RAD51B: variants seen among roughly 807,000 people sequenced by gnomAD.
RAD51B encodes DNA repair protein RAD51 homolog 2.
In RAD51B, 38 loss-of-function variants were observed where a neutral mutation model predicts 42.2. The observed-to-expected ratio is 0.90, with a 90% CI of 0.70 to 1.18. The LOEUF is 1.18. RAD51B is among the 50% of genes most tolerant of loss of function. RAD51B has a pLI of 0.00. For synonymous variants in RAD51B, 154 were observed against 145.2 expected (o/e 1.06, Z -0.43); for missense variants, 373 against 400.7 (o/e 0.93, Z 0.59).
intron 7 of RAD51B, among the ~76,000 whole-genome samples, chr14:67,978,525 T>C (rs1397832390): frequency 6.6e-6 from 1 of 152,086 alleles, no homozygotes. Flanking sequence ...CCCATACATA[T>C]CCCGCTTCCC....
intron 7 of RAD51B, among the ~76,000 whole-genome samples, chr14:68,094,751 T>C (rs1360699734): frequency 6.6e-6 from 1 of 152,200 alleles, no homozygotes; most frequent in Non-Finnish European, 1.5e-5. Flanking sequence ...GATGACCTCC[T>C]AATAGGTTAG....
chr14:68,061,251 T>C (rs1405916541), intron 7 of RAD51B, among the ~76,000 whole-genome samples: 1 of 151,854 alleles, frequency 6.6e-6, no homozygotes, highest in Non-Finnish European at 1.5e-5. Flanking sequence ...GTATTTTTAG[T>C]ATAGATGGGG....
intron 3 of RAD51B, among the ~76,000 whole-genome samples, chr14:67,830,702 GGA>G (rs1373205925): frequency 6.6e-6 from 1 of 151,846 alleles, no homozygotes; most frequent in African/African-American, 2.4e-5. Flanking sequence ...GCTGAGCCTA[GGA>G]GAGAGAATTA....
chr14:68,170,382 GT>G (rs2078847095), intron 7 of RAD51B, among the ~76,000 whole-genome samples: 1 of 152,126 alleles, frequency 6.6e-6, no homozygotes, highest in African/African-American at 2.4e-5. Context: ...TCTGGCTCAG[GT>G]TTAGGAGAGA....
At chr14:68,133,871 G>A (rs768232508) in intron 7 of RAD51B, among the ~76,000 whole-genome samples, 26 of 151,968 alleles carry the variant, frequency 1.7e-4, no homozygotes, top group Non-Finnish European at 2.9e-4. Context: ...AATGTACAGC[G>A]AGGTCATATA....
chr14:67,866,666 T>C (rs2042343882), intron 5 of RAD51B, among the ~76,000 whole-genome samples: 1 of 152,226 alleles, frequency 6.6e-6, no homozygotes, highest in Non-Finnish European at 1.5e-5. Flanking sequence ...AAAAACCTTA[T>C]CAATGAATTG....
chr14:68,610,269 C>G (rs1891625216), intron 10 of RAD51B, among the ~76,000 whole-genome samples: 1 of 152,218 alleles, frequency 6.6e-6, no homozygotes, highest in Admixed American at 6.5e-5. Flanking sequence ...TCTGGTCAGC[C>G]TCCGGATGCC....
At chr14:68,157,668 G>A (rs1202126091) in intron 7 of RAD51B, among the ~76,000 whole-genome samples, 1 of 152,158 alleles carries the variant, frequency 6.6e-6, no homozygotes, top group Non-Finnish European at 1.5e-5. Flanking sequence ...TCTTATTTCA[G>A]AAGCAGCAAT....
chr14:68,198,374 G>A (rs1028719141), intron 7 of RAD51B, among the ~76,000 whole-genome samples: 2 of 152,092 alleles, frequency 1.3e-5, no homozygotes, highest in Non-Finnish European at 2.9e-5. Context: ...CAGGTAGTGC[G>A]AGTTCTCTGA....
rs192235584 is a variant in RAD51B at position 68,213,099 on chromosome 14, T to C, written c.757-78785T>C. Among the ~76,000 whole-genome samples the C allele has an allele frequency of 1.1e-4, 17 of 152,342 alleles. No homozygotes were observed. The East Asian group carries it at 3.3e-3, about 29-fold the overall frequency. On this transcript the variant is annotated intron_variant, in intron 7 of 10. Transcript: ENST00000471583. ...CTATCCAATTTTCTCATTAAAAATT[T>C]CTGACGAAAGCACAAATAATGTGCT...
At chr14:68,308,608 G>T (rs771640134) in intron 8 of RAD51B, among the ~76,000 whole-genome samples, 1 of 151,320 alleles carries the variant, frequency 6.6e-6, no homozygotes, top group Non-Finnish European at 1.5e-5. Context: ...TCTAGAGGAG[G>T]CTGAATCAGA....
chr14:67,832,290 A>G (rs1051752034), intron 3 of RAD51B, among the ~76,000 whole-genome samples: 1 of 152,214 alleles, frequency 6.6e-6, no homozygotes, highest in African/African-American at 2.4e-5. Context: ...ATTTTTAATA[A>G]CAGGAGAAAT....
At chr14:68,566,698 T>C (rs1168790426) in intron 10 of RAD51B, among the ~76,000 whole-genome samples, 3 of 152,110 alleles carry the variant, frequency 2.0e-5, no homozygotes, top group African/African-American at 7.2e-5. Context: ...CTTGGATTGC[T>C]TTTCTCTCTG....
intron 9 of RAD51B, among the ~76,000 whole-genome samples, chr14:68,433,308 G>T (rs941260307): frequency 4.6e-5 from 7 of 152,212 alleles, no homozygotes; most frequent in African/African-American, 1.7e-4. Flanking sequence ...TGCTAGGTTG[G>T]AGAAGTTCTC....
At chr14:68,603,246 C>G (rs144164174) in intron 10 of RAD51B, among the ~76,000 whole-genome samples, 4 of 152,188 alleles carry the variant, frequency 2.6e-5, no homozygotes, top group African/African-American at 4.8e-5. Context: ...TCAAATTTAC[C>G]TGAAATATTA....
At position 68,497,324 on chromosome 14, in the gene RAD51B, G is replaced by A. The variant is rs913305685; in HGVS notation, c.1036+29074G>A. The A allele has an allele frequency of 3.2e-6, 4 of 1,257,718 alleles. No individual in the cohort carries two copies. In the African/African-American group the frequency reaches 6.1e-5, roughly 19 times the overall value. 77.9% of individuals were successfully genotyped at this position (1,257,718 alleles called of 1,614,324 possible). ...TCTAGAGGATGTATCTCACAAGTAGGATCAAGAACAAGCCCAACAGTAATC... is the reference window on the plus strand; with the variant it reads ...TCTAGAGGATGTATCTCACAAGTAGAATCAAGAACAAGCCCAACAGTAATC... On this transcript the variant is annotated intron_variant, in intron 10 of 10. Transcript: ENST00000487270.
intron 8 of RAD51B, among the ~76,000 whole-genome samples, chr14:68,343,944 G>C (rs1365955954): frequency 6.6e-6 from 1 of 152,258 alleles, no homozygotes; most frequent in African/African-American, 2.4e-5. Flanking sequence ...GGTGCACAGA[G>C]TGCAAAAGTG....
At chr14:68,440,753 A>AG (rs1566886034) in intron 9 of RAD51B, among the ~76,000 whole-genome samples, 1 of 152,006 alleles carries the variant, frequency 6.6e-6, no homozygotes, top group African/African-American at 2.4e-5. Context: ...TCTCAAAAAA[A>AG]AAAGAAAGAA....
chr14:68,196,030 A>G (rs2140914142), intron 7 of RAD51B, among the ~76,000 whole-genome samples: 1 of 150,732 alleles, frequency 6.6e-6, no homozygotes, highest in Non-Finnish European at 1.5e-5. Flanking sequence ...AAGGTGAAAC[A>G]CTCTCTACTA....
Sources: gnomAD v4.1 joint callset for allele counts (sites outside exome capture counted in the v4.1 genomes callset) on GRCh38, gnomAD v4.1.1 for gene constraint, MANE v1.5 for transcripts, NCBI Gene and HGNC (gene_info 2026-07-23, HGNC 2026-07-21) for gene names.